LRRC41: variants seen among roughly 807,000 people sequenced by gnomAD.
LRRC41 encodes the protein leucine-rich repeat-containing protein 41.
Under a neutral mutation model 72.1 loss-of-function variants are expected in LRRC41, and 17 were observed. The observed-to-expected ratio is 0.24, with a 90% CI of 0.16 to 0.35. LRRC41 has a LOEUF of 0.35. Among genes scored for constraint, LRRC41 ranks in the 10% least tolerant of loss-of-function variants. The pLI, the probability that LRRC41 is intolerant of heterozygous loss-of-function variation, is 1.00. For synonymous variants in LRRC41, 427 were observed against 431.0 expected, an observed-to-expected ratio of 0.99 and a Z score of 0.11; for missense variants, 759 against 1,065.0, an observed-to-expected ratio of 0.71 and a Z score of 4.00.
chr1:46,280,984 T>G, intron 5 of LRRC41, 141 bp downstream of exon 5: 1 of 1,185,078 alleles, frequency 8.4e-7, no homozygotes, highest in East Asian at 2.5e-5. Context: ...AGTGGTAGGC[T>G]CTAAAGGGGG....
rs12411245 is a variant in LRRC41 at position 46,283,237 on chromosome 1, G to A, written c.1496-1852C>T. ...TTTGTATGGCAAGAGTAAGGAGTCC[G>A]GAGGAACTACTGAAATTAGTTCAGG... On this transcript the variant is annotated intron_variant, in intron 4 of 9. Coordinates refer to ENST00000617190, the MANE Select transcript of LRRC41 (RefSeq NM_006369.5). Among the ~76,000 whole-genome samples the A allele has an allele frequency of 4.3e-3, 657 of 152,226 alleles. 10 individuals carry two copies. Among genetic ancestry groups the A allele is most frequent in the Admixed American group, 0.039 (597 of 15,278 alleles).
chr1:46,278,166 A>G lies in LRRC41; in HGVS notation c.*699T>C, dbSNP rs377132922. The G allele has an allele frequency of 5.6e-6, 9 of 1,613,692 alleles. No homozygotes were observed. Among genetic ancestry groups the G allele is most frequent in the Non-Finnish European group, 6.8e-6 (8 of 1,179,898 alleles). On this transcript the variant is annotated 3_prime_UTR_variant, in exon 10 of 10. Coordinates refer to ENST00000617190, the MANE Select transcript of LRRC41 (RefSeq NM_006369.5). ...AGACCTGGCAGGGTGGAACCACTGC[A>G]CTGATAAGTGGGGGCTCCGGGATGA...
rs1408061283 is a variant in LRRC41, at chr1:46,277,553, C to T, written c.*1312G>A. The T allele has an allele frequency of 5.8e-6, 3 of 515,786 alleles. No individual in the cohort carries two copies. Among genetic ancestry groups the T allele is most frequent in the Admixed American group, 3.2e-5 (1 of 30,934 alleles). 32.0% of individuals were successfully genotyped at this position (515,786 alleles called of 1,614,324 possible). On this transcript the variant is annotated 3_prime_UTR_variant, in exon 10 of 10. Transcript: ENST00000617190. ...CTGCAGCAGACAAACCTCAGTTCAC[C>T]CTGACGGGATTTAGCCAGGCCCTGG...
At chr1:46,298,480 C>T (rs1345599861) in intron 1 of LRRC41, 110 bp from the exon 2 acceptor site, 4 of 634,672 alleles carry the variant, frequency 6.3e-6, no homozygotes, top group Middle Eastern at 3.4e-4. Context: ...GTAGACTTCT[C>T]ATTTGACAAA....
In LRRC41 at chr1:46,277,942, T is replaced by C; in HGVS notation, c.*923A>G. ...CTCTGGGCGAGTTGAAGGAGCTGTT[T>C]ATCCTGGATGAAGCTAGCCTCAGTG... On this transcript the variant is annotated 3_prime_UTR_variant, in exon 10 of 10. Transcript: ENST00000617190. 10 of 1,614,154 alleles carry C rather than the reference T, an allele frequency of 6.2e-6. No homozygotes were observed. The highest frequency in any genetic ancestry group is 8.5e-6 in the Non-Finnish European group (10 of 1,180,038).
intron 3 of LRRC41, among the ~76,000 whole-genome samples, chr1:46,290,447 A>G (rs552791882): frequency 1.3e-5 from 2 of 152,296 alleles, no homozygotes; most frequent in South Asian, 4.1e-4. Context: ...CATATATGAG[A>G]GTACCTATAT....
chr1:46,302,529 C>A lies in LRRC41; in HGVS notation c.199+595G>T, dbSNP rs1158063966. 3.0e-6 allele frequency: 3 copies of A among 984,650 alleles called. No individual in the cohort carries two copies. The African/African-American group carries it at 5.3e-5, about 17-fold the overall frequency. The allele number at this position is 984,650 out of a possible 1,614,324, so 61.0% of individuals were successfully genotyped here. ...GTCAGACAGGCCGCGGCGCCCCGAC[C>A]CTTTCGTTCGGCCTCTCCCCCTGCC... On this transcript the variant is annotated intron_variant, in intron 1 of 9. Coordinates refer to ENST00000617190, the MANE Select transcript of LRRC41 (RefSeq NM_006369.5). The surrounding 1 kb of genome is among the most constrained non-coding windows in gnomAD (Gnocchi z 4.7).
At chr1:46,283,654 G>A (rs1050538962) in intron 4 of LRRC41, among the ~76,000 whole-genome samples, 26 of 152,082 alleles carry the variant, frequency 1.7e-4, no homozygotes, top group Non-Finnish European at 2.5e-4. Context: ...TCCAAGAAGC[G>A]TGCATAAAGT....
rs1206535392 is a variant in LRRC41 at position 46,291,140 on chromosome 1, G to A, written c.358-4641C>T. Among the ~76,000 whole-genome samples the A allele has an allele frequency of 2.6e-5, 4 of 151,510 alleles. No homozygotes were observed. In the South Asian group the frequency reaches 8.3e-4, roughly 31 times the overall value. On this transcript the variant is annotated intron_variant, in intron 3 of 9. Transcript: ENST00000617190. ...GGGTTTCGCCATGTTGGCCAGGCTGGTCTTGAACTCCTGACCTCAAGTGAT... is the reference window on the plus strand; with the variant it reads ...GGGTTTCGCCATGTTGGCCAGGCTGATCTTGAACTCCTGACCTCAAGTGAT...
chr1:46,285,123 C>T lies in LRRC41; in HGVS notation c.1495+239G>A. ...TAAAATGTATTCATTCTTCAGATTC[C>T]AGCTGGCTTGTCTCACTGCCCCTCA... On this transcript the variant is annotated intron_variant, in intron 4 of 9. Transcript: ENST00000617190. The surrounding 1 kb of genome is among the most constrained non-coding windows in gnomAD (Gnocchi z 5.3). The T allele has an allele frequency of 1.8e-6, 1 of 561,560 alleles. No homozygotes were observed. The highest frequency in any genetic ancestry group is 3.2e-6 in the Non-Finnish European group (1 of 310,636). The allele number at this position is 561,560 out of a possible 1,614,324, so 34.8% of individuals were successfully genotyped here. A position where few individuals can be genotyped will look rare whatever the true frequency, so the allele number is the denominator to read the frequency against.
In LRRC41 at chr1:46,302,334, A is replaced by G; in HGVS notation, c.199+790T>C. 1.0e-6 allele frequency: 1 copy of G among 984,812 alleles called. No homozygotes were observed. 61.0% of individuals were successfully genotyped at this position (984,812 alleles called of 1,614,324 possible). ...TCATTCGAGCCTCCCTCGCTTGTTT[A>G]AGCCGCTCCGGGCCCCCCTCCACTC... On this transcript the variant is annotated intron_variant, in intron 1 of 9. Coordinates refer to ENST00000617190, the MANE Select transcript of LRRC41 (RefSeq NM_006369.5). The surrounding 1 kb of genome is among the most constrained non-coding windows in gnomAD (Gnocchi z 4.7).
Position 46,303,405 on chromosome 1 carries a change from G to A in LRRC41, c.-83C>T. The stretch of plus-strand genomic sequence containing the variant: ...CAGCAGTTAGGACGGCTCCATAAGC[G>A]ATATGGGGAAGAATGTGAATTATTC... On this transcript the variant is annotated 5_prime_UTR_variant, in exon 1 of 10. Coordinates refer to ENST00000617190, the MANE Select transcript of LRRC41 (RefSeq NM_006369.5). The A allele has an allele frequency of 1.6e-6, 2 of 1,232,196 alleles. No homozygotes were observed. The highest frequency in any genetic ancestry group is 3.2e-5 in the South Asian group (2 of 63,270). The allele number at this position is 1,232,196 out of a possible 1,614,324, so 76.3% of individuals were successfully genotyped here. A position where few individuals can be genotyped will look rare whatever the true frequency, so the allele number is the denominator to read the frequency against.
At chr1:46,290,916 GTTTTTTTTTTT>G (rs71062750) in intron 3 of LRRC41, among the ~76,000 whole-genome samples, 49 of 65,722 alleles carry the variant, frequency 7.5e-4, no homozygotes, top group African/African-American at 1.9e-3. Context: ...CCTGTTTCTA[GTTTTTTTTTTT>G]TTTTTTTTTT....
At chr1:46,293,169 C>A (rs377023861) in intron 3 of LRRC41, among the ~76,000 whole-genome samples, 1 of 149,456 alleles carries the variant, frequency 6.7e-6, no homozygotes, top group Non-Finnish European at 1.5e-5. Flanking sequence ...GGCGACAGAG[C>A]GAGATTTCGT....
rs754665889 is a variant in LRRC41 at position 46,303,369 on chromosome 1, C to A, written c.-47G>T. The A allele has an allele frequency of 2.1e-6, 3 of 1,456,694 alleles. No individual in the cohort carries two copies. The highest frequency in any genetic ancestry group is 1.3e-5 in the South Asian group (1 of 74,708). 90.2% of individuals were successfully genotyped at this position (1,456,694 alleles called of 1,614,324 possible). A position where few individuals can be genotyped will look rare whatever the true frequency, so the allele number is the denominator to read the frequency against. On this transcript the variant is annotated 5_prime_UTR_variant, in exon 1 of 10. Transcript: ENST00000617190. ...GAGAGTGTCGCCCGCGGACCGCCAT[C>A]TTGAAAAGGTCAGCAGTTAGGACGG... is the stretch of plus-strand genomic sequence containing the variant.
At chr1:46,296,270 A>G (rs1007257507) in intron 3 of LRRC41, among the ~76,000 whole-genome samples, 1 of 152,146 alleles carries the variant, frequency 6.6e-6, no homozygotes, top group Non-Finnish European at 1.5e-5. Flanking sequence ...CAAAAAAATT[A>G]GCTGGGTGTG....
At position 46,280,196 on chromosome 1, in the gene LRRC41, C is replaced by A; in HGVS notation, c.2016G>T (p.Leu672=). Residue 672 remains leucine (L), a synonymous_variant, in exon 7 of 10, where the codon CTG becomes CTT. Coordinates refer to ENST00000617190, the MANE Select transcript of LRRC41 (RefSeq NM_006369.5). Reference sequence around the variant, plus strand: ...GGTTCTGAATAAGGAACTTACCTTGCAGAGTCAGATTCTGTAGCAAAAAGA... The same window carrying A: ...GGTTCTGAATAAGGAACTTACCTTGAAGAGTCAGATTCTGTAGCAAAAAGA... ...EVLFLLQNLT[L]QEITFSFCRL... The A allele has an allele frequency of 6.2e-7, 1 of 1,613,140 alleles. No homozygotes were observed. Among genetic ancestry groups the A allele is most frequent in the Non-Finnish European group, 8.5e-7 (1 of 1,179,074 alleles).
At chr1:46,301,080 G>A (rs539305923) in intron 1 of LRRC41, among the ~76,000 whole-genome samples, 3 of 152,022 alleles carry the variant, frequency 2.0e-5, no homozygotes. Context: ...GAGGCCACAC[G>A]GGAAGAAGTT....
intron 4 of LRRC41, chr1:46,284,243 G>GT (rs1660839544): frequency 6.6e-6 from 1 of 152,252 alleles, no homozygotes; most frequent in African/African-American, 2.4e-5. Context: ...ATGGAGACCT[G>GT]TTAAAATGCT....
Sources: gnomAD v4.1 joint callset for allele counts (sites outside exome capture counted in the v4.1 genomes callset) on GRCh38, gnomAD v4.1.1 for gene constraint, Gnocchi (gnomAD v3.1) non-coding constraint, MANE v1.5 for transcripts, NCBI Gene and HGNC (gene_info 2026-07-23, HGNC 2026-07-21) for gene names.